Variants in SDC2 observed in about 807,000 individuals in gnomAD.
SDC2 encodes the protein syndecan 2.
In SDC2, 13 loss-of-function variants were observed where a neutral mutation model predicts 22.2. That is an observed-to-expected ratio of 0.59 (90% CI 0.38 to 0.93). The LOEUF (loss-of-function observed/expected upper bound fraction) is 0.93. Among genes scored for constraint, SDC2 ranks in the 40% least tolerant of loss-of-function variants. SDC2 has a pLI of 0.00. For missense variants in SDC2, 235 were observed against 246.8 expected, an observed-to-expected ratio of 0.95 and a Z score of 0.32; for synonymous variants, 94 against 92.8, an observed-to-expected ratio of 1.01 and a Z score of -0.07.
intron 1 of SDC2, among the ~76,000 whole-genome samples, chr8:96,522,450 A>G (rs1813511807): frequency 6.6e-6 from 1 of 152,122 alleles, no homozygotes; most frequent in South Asian, 2.1e-4. Context: ...GTTCTTCACT[A>G]AAGACATAGT....
At chr8:96,573,507 C>A (rs1434885920) in intron 1 of SDC2, among the ~76,000 whole-genome samples, 1 of 152,016 alleles carries the variant, frequency 6.6e-6, no homozygotes, top group South Asian at 2.1e-4. Context: ...AAAGTGATAA[C>A]AGCACCTGAC....
chr8:96,570,768 C>T (rs892656095), intron 1 of SDC2, among the ~76,000 whole-genome samples: 5 of 151,988 alleles, frequency 3.3e-5, no homozygotes, highest in Admixed American at 1.3e-4. Flanking sequence ...AGTGTTCATA[C>T]GTTGGGTTAA....
chr8:96,530,890 A>G (rs1813651253), intron 1 of SDC2, among the ~76,000 whole-genome samples: 2 of 152,226 alleles, frequency 1.3e-5, no homozygotes, highest in Non-Finnish European at 2.9e-5. Flanking sequence ...CGGAGCTAAG[A>G]TGGACCTCAG....
chr8:96,570,262 C>T (rs1586305678), intron 1 of SDC2, among the ~76,000 whole-genome samples: 3 of 152,216 alleles, frequency 2.0e-5, no homozygotes, highest in South Asian at 2.1e-4. Flanking sequence ...ACAAAGGGAA[C>T]GATAACTAGT....
intron 1 of SDC2, among the ~76,000 whole-genome samples, chr8:96,527,511 G>T (rs1033237862): frequency 1.3e-5 from 2 of 152,150 alleles, no homozygotes; most frequent in African/African-American, 2.4e-5. Context: ...CCCCAGTGCC[G>T]TACTGCTGTG....
intron 1 of SDC2, among the ~76,000 whole-genome samples, chr8:96,534,241 C>G (rs112951930): frequency 0.07 from 10,634 of 152,246 alleles, 1,230 homozygotes; most frequent in African/African-American, 0.24. Flanking sequence ...CTCGGCTAGC[C>G]CAGAAGGGGG....
At chr8:96,603,923 CA>C (rs1815035328) in intron 3 of SDC2, among the ~76,000 whole-genome samples, 2 of 152,116 alleles carry the variant, frequency 1.3e-5, no homozygotes, top group African/African-American at 4.8e-5. Flanking sequence ...GCTACTGTAT[CA>C]ATGTTTCAGT....
At chr8:96,515,316 T>G (rs1813385515) in intron 1 of SDC2, among the ~76,000 whole-genome samples, 1 of 151,924 alleles carries the variant, frequency 6.6e-6, no homozygotes, top group African/African-American at 2.4e-5. Context: ...GGCAGCCAAC[T>G]AAATTGGTTA....
intron 1 of SDC2, among the ~76,000 whole-genome samples, chr8:96,574,034 C>G (rs1349652435): frequency 1.3e-5 from 2 of 150,854 alleles, no homozygotes; most frequent in Non-Finnish European, 3.0e-5. Flanking sequence ...TCTGCACCCC[C>G]TCCCCTCCAC....
At chr8:96,581,521 A>G (rs1273745722) in intron 1 of SDC2, among the ~76,000 whole-genome samples, 1 of 152,232 alleles carries the variant, frequency 6.6e-6, no homozygotes, top group East Asian at 1.9e-4. Flanking sequence ...AATCCCAGCT[A>G]CTTGAGAGGC....
At chr8:96,503,807 T>C (rs1252294762) in intron 1 of SDC2, among the ~76,000 whole-genome samples, 17 of 152,182 alleles carry the variant, frequency 1.1e-4, no homozygotes, top group African/African-American at 2.4e-5. Context: ...GAGAAAGATA[T>C]GTTATAAAGC....
intron 1 of SDC2, among the ~76,000 whole-genome samples, chr8:96,576,416 C>T (rs371007728): frequency 1.2e-3 from 16 of 13,780 alleles, no homozygotes; most frequent in African/African-American, 1.5e-3. Flanking sequence ...TTATTATTCT[C>T]TTTTTTTTTT....
At chr8:96,552,038 A>T (rs1814036235) in intron 1 of SDC2, among the ~76,000 whole-genome samples, 1 of 152,168 alleles carries the variant, frequency 6.6e-6, no homozygotes, top group African/African-American at 2.4e-5. Flanking sequence ...CAATTTGAGC[A>T]AGTAACACAT....
chr8:96,571,459 G>A (rs1252638517), intron 1 of SDC2, among the ~76,000 whole-genome samples: 3 of 152,120 alleles, frequency 2.0e-5, no homozygotes, highest in Non-Finnish European at 2.9e-5. Flanking sequence ...TAGAAACAAA[G>A]CAATAAAAAA....
chr8:96,573,431 C>G (rs147496262), intron 1 of SDC2, among the ~76,000 whole-genome samples: 1 of 80,038 alleles, frequency 1.2e-5, no homozygotes, highest in Non-Finnish European at 2.9e-5. Flanking sequence ...CAGGTTCCAC[C>G]GTTGCAAAAT....
intron 1 of SDC2, among the ~76,000 whole-genome samples, chr8:96,531,430 A>G (rs1178333847): frequency 2.6e-5 from 4 of 152,180 alleles, no homozygotes; most frequent in East Asian, 1.9e-4. Context: ...CCTAAAGAAT[A>G]AAAGGCTCTT....
At position 96,589,475 on chromosome 8, in the gene SDC2, C is replaced by T. The variant is rs897987868; in HGVS notation, c.61-4005C>T. ...TCTCCCAGGCTGGAGTACAGTGGCG[C>T]AGTCTTGGCTCACTGCAGCCTCTGC... On this transcript the variant is annotated intron_variant, in intron 1 of 4. Coordinates refer to ENST00000302190, the MANE Select transcript of SDC2 (RefSeq NM_002998.4). Among the ~76,000 whole-genome samples the T allele has an allele frequency of 4.8e-4, 73 of 152,166 alleles. 1 individual carries two copies. Among genetic ancestry groups the T allele is most frequent in the Non-Finnish European group, 7.3e-5 (5 of 68,036 alleles).
intron 1 of SDC2, chr8:96,580,465 C>T: frequency 1.0e-6 from 1 of 985,234 alleles, no homozygotes; most frequent in Non-Finnish European, 1.2e-6. Flanking sequence ...GAGGGGTGGA[C>T]ATGTTTTCAT....
chr8:96,581,497 TTGC>T, intron 1 of SDC2, among the ~76,000 whole-genome samples: 2 of 152,016 alleles, frequency 1.3e-5, no homozygotes, highest in South Asian at 4.2e-4. Context: ...GGGCATAGAG[TTGC>T]ACATGCCTGT....
Sources: allele counts gnomAD v4.1 joint callset (sites outside exome capture counted in the v4.1 genomes callset), GRCh38; gene constraint gnomAD v4.1.1; transcripts MANE v1.5; gene names NCBI Gene and HGNC (gene_info 2026-07-23, HGNC 2026-07-21).